The following PRPF38A variants were observed in gnomAD, a reference collection of about 807,000 sequenced individuals.
PRPF38A encodes the protein pre-mRNA processing factor 38A, also known as pre-mRNA-splicing factor 38A.
PRPF38A carries 11 observed loss-of-function variants against 46.8 expected under a neutral mutation model. That is an observed-to-expected ratio of 0.24 (90% CI 0.15 to 0.39). PRPF38A has a LOEUF of 0.39. PRPF38A is among the 10% of genes least tolerant of loss of function. The pLI is 1.00. For synonymous variants in PRPF38A, 124 were observed against 136.2 expected (o/e 0.91, Z 0.62); for missense variants, 261 against 407.5 (o/e 0.64, Z 3.10).
In PRPF38A at chr1:52,417,844, G is replaced by C. The variant is rs1648335126; in HGVS notation, c.*1154G>C. The C allele has an allele frequency of 2.0e-5, 3 of 152,296 alleles. No homozygotes were observed. Among genetic ancestry groups the C allele is most frequent in the Admixed American group, 2.0e-4 (3 of 15,286 alleles). The allele number at this position is 152,296 out of a possible 1,614,324, so 9.4% of individuals were successfully genotyped here. On this transcript the variant is annotated 3_prime_UTR_variant, in exon 10 of 10. Transcript: ENST00000257181. ...CTGGAATGGCCCATTCAGAAAGACA[G>C]GAGAATTAGGAGAGAGTGAGTGAAA...
At chr1:52,408,505 A>C (rs2147955297) in intron 2 of PRPF38A, 64 bp from the exon 3 acceptor site, 2 of 1,607,762 alleles carry the variant, frequency 1.2e-6, no homozygotes, top group Middle Eastern at 1.7e-4. Flanking sequence ...TCATGAGAAC[A>C]GCTAGTTGTA....
At chr1:52,409,970 A>G (rs956887972) in intron 3 of PRPF38A, among the ~76,000 whole-genome samples, 5 of 151,912 alleles carry the variant, frequency 3.3e-5, no homozygotes, top group African/African-American at 1.2e-4. Context: ...CCCAGAAGTA[A>G]GGTAATGTTT....
Position 52,404,671 on chromosome 1 carries a change from A to C in PRPF38A, c.-79A>C. The C allele has an allele frequency of 1.3e-6, 2 of 1,500,972 alleles. No individual in the cohort carries two copies. Among genetic ancestry groups the C allele is most frequent in the Non-Finnish European group, 9.0e-7 (1 of 1,108,202 alleles). 93.0% of individuals were successfully genotyped at this position (1,500,972 alleles called of 1,614,324 possible). On this transcript the variant is annotated 5_prime_UTR_variant, in exon 1 of 10. Transcript: ENST00000257181. ...AGTGAAACTTCTTCCACCTTTCTCC[A>C]TTCCTCTAGGTGCTTTTTCTGAACC...
intron 8 of PRPF38A, 129 bp from the exon 9 acceptor site, chr1:52,415,209 C>A: frequency 1.2e-6 from 1 of 829,172 alleles, no homozygotes; most frequent in Non-Finnish European, 1.9e-6. Flanking sequence ...AGAGTTGCTT[C>A]CACTAAGAGG....
intron 5 of PRPF38A, 147 bp from the exon 6 acceptor site, chr1:52,413,732 G>A (rs1648213238): frequency 3.2e-6 from 2 of 624,594 alleles, no homozygotes; most frequent in African/African-American, 3.7e-5. Flanking sequence ...TAGGGTAAGT[G>A]CTTCCCTCTT....
chr1:52,413,628 T>C (rs561792434), intron 5 of PRPF38A, among the ~76,000 whole-genome samples: 39 of 152,180 alleles, frequency 2.6e-4, no homozygotes, highest in Admixed American at 2.4e-3. Flanking sequence ...AAACTAAACA[T>C]ACACACATAC....
intron 3 of PRPF38A, among the ~76,000 whole-genome samples, chr1:52,409,938 A>G (rs1186798174): frequency 6.6e-6 from 1 of 152,014 alleles, no homozygotes; most frequent in Non-Finnish European, 1.5e-5. Flanking sequence ...GGGCATGTGC[A>G]AAATTGCCCA....
chr1:52,419,020 A>G lies in PRPF38A; in HGVS notation c.*2330A>G, dbSNP rs1648368958. On this transcript the variant is annotated 3_prime_UTR_variant, in exon 10 of 10. Transcript: ENST00000257181. ...CCATAGGGCACAATCGCCTTTTAAT[A>G]CTAAGAAAGTAAGGGAGATGTGTTC... The G allele has an allele frequency of 6.6e-6, 1 of 152,266 alleles. No individual in the cohort carries two copies. Among genetic ancestry groups the G allele is most frequent in the Admixed American group, 6.5e-5 (1 of 15,288 alleles). 9.4% of individuals were successfully genotyped at this position (152,266 alleles called of 1,614,324 possible).
intron 4 of PRPF38A, among the ~76,000 whole-genome samples, chr1:52,412,224 T>G (rs1440504976): frequency 6.6e-6 from 1 of 152,194 alleles, no homozygotes; most frequent in Non-Finnish European, 1.5e-5. Context: ...AAGCCCTTAC[T>G]TTTGGTTCTA....
At chr1:52,407,605 A>G (rs564331526) in intron 2 of PRPF38A, among the ~76,000 whole-genome samples, 1 of 152,342 alleles carries the variant, frequency 6.6e-6, no homozygotes, top group Admixed American at 6.5e-5. Context: ...TTGTTATTAA[A>G]TATATCTTCT....
chr1:52,415,699 G>A (rs540813174), intron 9 of PRPF38A, among the ~76,000 whole-genome samples: 1 of 152,094 alleles, frequency 6.6e-6, no homozygotes, highest in East Asian at 1.9e-4. Flanking sequence ...CAATGGATGA[G>A]CTTTGGTCTC....
At chr1:52,412,471 G>A in intron 4 of PRPF38A, 43 bp from the exon 5 acceptor site, 1 of 1,415,954 alleles carries the variant, frequency 7.1e-7, no homozygotes, top group Non-Finnish European at 9.9e-7. Context: ...CAAGAAATAG[G>A]GGAAATGGCA....
Position 52,415,361 on chromosome 1 carries a change from A to G in PRPF38A, c.871A>G (p.Arg291Gly), listed in dbSNP as rs770363982. The G allele has an allele frequency of 1.2e-6, 2 of 1,613,950 alleles. No individual in the cohort carries two copies. The highest frequency in any genetic ancestry group is 1.7e-5 in the Admixed American group (1 of 60,012). The change falls in exon 9 of 10, where the codon AGG becomes GGG. Residue 291 changes from arginine to glycine, a missense_variant. Around this residue, in one of 2 missense-constraint regions of PRPF38A, gnomAD observed 180 missense variants for 221.0 expected, o/e 0.81. Coordinates refer to ENST00000257181, the MANE Select transcript of PRPF38A (RefSeq NM_032864.4). The part of the protein sequence containing the change: ...SPGHHRSHRH[R>G]SHSKSPERSK... The stretch of plus-strand genomic sequence containing the variant: ...AGGTCATCACCGTAGTCACAGACAC[A>G]GGAGCCACTCAAAGTCTCCCGAAAG...
intron 5 of PRPF38A, among the ~76,000 whole-genome samples, chr1:52,413,574 T>G (rs1648209223): frequency 3.3e-5 from 5 of 152,174 alleles, no homozygotes. Context: ...TTGTGTATTT[T>G]TTTTGTAGAG....
chr1:52,416,467 C>A (rs1648295063), intron 9 of PRPF38A, among the ~76,000 whole-genome samples, 181 bp from the exon 10 acceptor site: 1 of 152,072 alleles, frequency 6.6e-6, no homozygotes, highest in Non-Finnish European at 1.5e-5. Context: ...CGCCGCCATG[C>A]TCGGCTAATT....
At chr1:52,415,932 TCCTGGGCTCACGCCATTCTCCTG>T (rs1211794603) in intron 9 of PRPF38A, among the ~76,000 whole-genome samples, 1 of 130,468 alleles carries the variant, frequency 7.7e-6, no homozygotes. Flanking sequence ...AAGCTCCACC[TCCTGGGCTCACGCCATTCTCCTG>T]CCTCAGCTTC....
At chr1:52,413,845 G>A (rs199530377) in intron 5 of PRPF38A, 34 bp from the exon 6 acceptor site, 1 of 1,379,290 alleles carries the variant, frequency 7.3e-7, no homozygotes, top group East Asian at 2.3e-5. Flanking sequence ...TTATAAGCCT[G>A]TGCCTTTCAA....
rs1171742103 is a variant in PRPF38A at position 52,420,020 on chromosome 1, C to G, written c.*3330C>G. 6.6e-6 allele frequency: 1 copy of G among 152,314 alleles called. No homozygotes were observed. Among genetic ancestry groups the G allele is most frequent in the Non-Finnish European group, 1.5e-5 (1 of 68,178 alleles). 9.4% of individuals were successfully genotyped at this position (152,314 alleles called of 1,614,324 possible). ...CGCCATTGCACTCCAGCCTGGGCAA[C>G]AGAGTGAGACTCCGTCTCAAAAAGA... On this transcript the variant is annotated 3_prime_UTR_variant, in exon 10 of 10. Coordinates refer to ENST00000257181, the MANE Select transcript of PRPF38A (RefSeq NM_032864.4).
intron 4 of PRPF38A, among the ~76,000 whole-genome samples, chr1:52,411,449 T>G (rs1323744923): frequency 1.3e-5 from 2 of 152,238 alleles, no homozygotes; most frequent in Non-Finnish European, 1.5e-5. Context: ...TCCATCCTTT[T>G]GTAGTTCAGG....
Sources: gnomAD v4.1 joint callset for allele counts (sites outside exome capture counted in the v4.1 genomes callset) on GRCh38, gnomAD v4.1.1 for gene constraint, gnomAD v4.1.1 regional missense constraint, MANE v1.5 for transcripts, NCBI Gene and HGNC (gene_info 2026-07-23, HGNC 2026-07-21) for gene names.